The following SYN3 variants were observed in gnomAD, a reference collection of about 807,000 sequenced individuals.
SYN3 encodes synapsin III, also known as synapsin-3.
In SYN3, 35 loss-of-function variants were observed where a neutral mutation model predicts 65.8. The observed-to-expected ratio is 0.53, with a 90% CI of 0.41 to 0.70. SYN3 has a LOEUF of 0.70. Among genes scored for constraint, SYN3 ranks in the 30% least tolerant of loss-of-function variants. The probability of loss-of-function intolerance (pLI) is 0.00; values close to 1 mark genes in which losing one functional copy is unlikely to be tolerated. For synonymous variants in SYN3, 270 were observed against 292.9 expected (o/e 0.92, Z 0.80); for missense variants, 680 against 749.0 (o/e 0.91, Z 1.08).
At chr22:32,519,319 T>TC (rs1405625897) in intron 12 of SYN3, 2 of 152,072 alleles carry the variant, frequency 1.3e-5, no homozygotes, top group Non-Finnish European at 2.9e-5. Flanking sequence ...TCTTTTTTTT[T>TC]TTCTCACGGG....
At chr22:32,714,996 G>A (rs1182128420) in intron 6 of SYN3, among the ~76,000 whole-genome samples, 6 of 152,076 alleles carry the variant, frequency 3.9e-5, no homozygotes, top group South Asian at 4.1e-4. Context: ...TATGTTCTGC[G>A]GAGCGCTCCT....
Position 32,518,075 on chromosome 22 carries a change from G to A in SYN3, c.1578C>T (p.Ser526=), listed in dbSNP as rs1282246732. The A allele has an allele frequency of 9.1e-6, 14 of 1,536,090 alleles. No homozygotes were observed. The highest frequency in any genetic ancestry group is 1.2e-5 in the Non-Finnish European group (14 of 1,144,956). Residue 526 remains serine, a synonymous_variant, in exon 13 of 14, where the codon TCC becomes TCT. Coordinates refer to ENST00000358763, the MANE Select transcript of SYN3 (RefSeq NM_003490.4). The part of the protein sequence containing the change: ...GRSTSQQGEE[S]KKPAPPHPHL... ...GCGGATGGGGTGGTGCTGGCTTCTT[G>A]GACTCTTCACCCTGCTGGGAGGTAC... is the stretch of plus-strand genomic sequence containing the variant.
intron 6 of SYN3, among the ~76,000 whole-genome samples, chr22:32,824,277 C>A (rs140170602): frequency 4.3e-4 from 57 of 133,140 alleles, no homozygotes; most frequent in South Asian, 5.2e-4. Context: ...GACTCCATCT[C>A]AAAAAAAAAA....
chr22:32,590,981 T>C (rs2059119889), intron 7 of SYN3, among the ~76,000 whole-genome samples: 1 of 152,238 alleles, frequency 6.6e-6, no homozygotes, highest in Non-Finnish European at 1.5e-5. Flanking sequence ...ACGGGCCATA[T>C]TTCTGGTGTG....
At chr22:32,834,904 C>A (rs1380853067) in intron 6 of SYN3, among the ~76,000 whole-genome samples, 1 of 152,168 alleles carries the variant, frequency 6.6e-6, no homozygotes, top group Admixed American at 6.5e-5. Context: ...TATCTGTCAC[C>A]CAGGGAACTG....
chr22:32,921,876 G>A lies in SYN3; in HGVS notation c.461+9514C>T, dbSNP rs372901075. On this transcript the variant is annotated intron_variant, in intron 4 of 13. Transcript: ENST00000358763. ...GTATTACAGATAAGTTACTGCCCAC[G>A]GTCACACAGCTGCTGTCACCGTGGC... 1.7e-4 allele frequency among the ~76,000 whole-genome samples: 26 copies of A among 152,170 alleles called. No homozygotes were observed. The East Asian group carries it at 2.7e-3, about 16-fold the overall frequency.
chr22:32,515,885 G>A (rs1047543810), intron 13 of SYN3, among the ~76,000 whole-genome samples: 33 of 151,826 alleles, frequency 2.2e-4, no homozygotes, highest in African/African-American at 6.8e-4. Context: ...TGCAAGCTCC[G>A]CCTCCTGGGT....
At chr22:32,986,484 C>T (rs1359590776) in intron 2 of SYN3, among the ~76,000 whole-genome samples, 1 of 152,144 alleles carries the variant, frequency 6.6e-6, no homozygotes, top group Non-Finnish European at 1.5e-5. Flanking sequence ...GGAGTCCATC[C>T]CCCCGCCTGG....
chr22:32,624,485 G>A (rs1341821842), intron 6 of SYN3, among the ~76,000 whole-genome samples: 1 of 152,194 alleles, frequency 6.6e-6, no homozygotes, highest in Non-Finnish European at 1.5e-5. Flanking sequence ...AAGACTTCCT[G>A]CCACCTTAGC....
chr22:33,034,609 A>G (rs1482268858), intron 1 of SYN3, among the ~76,000 whole-genome samples: 1 of 152,050 alleles, frequency 6.6e-6, no homozygotes, highest in Non-Finnish European at 1.5e-5. Context: ...TTTTTCTCCT[A>G]AATAACTAAA....
intron 6 of SYN3, among the ~76,000 whole-genome samples, chr22:32,830,953 G>A (rs770310478): frequency 6.6e-6 from 1 of 151,642 alleles, no homozygotes; most frequent in South Asian, 2.1e-4. Flanking sequence ...AAAAATGTGT[G>A]TTTTTTTTTC....
intron 6 of SYN3, among the ~76,000 whole-genome samples, chr22:32,670,607 C>T (rs2060347449): frequency 6.6e-6 from 1 of 152,192 alleles, no homozygotes; most frequent in African/African-American, 2.4e-5. Flanking sequence ...TTGTATCTTA[C>T]AGCATTAGGC....
intron 6 of SYN3, among the ~76,000 whole-genome samples, chr22:32,733,055 T>C (rs1238261767): frequency 6.6e-6 from 1 of 152,202 alleles, no homozygotes; most frequent in Admixed American, 6.5e-5. Context: ...CATGCCATGG[T>C]ATCTTTCAAT....
intron 6 of SYN3, among the ~76,000 whole-genome samples, chr22:32,706,920 C>A (rs1412041406): frequency 6.6e-6 from 1 of 152,154 alleles, no homozygotes; most frequent in Non-Finnish European, 1.5e-5. Flanking sequence ...CCCTAGAGGG[C>A]AGGACATTTC....
intron 4 of SYN3, among the ~76,000 whole-genome samples, chr22:32,870,437 T>C (rs1226010965): frequency 6.6e-6 from 1 of 152,240 alleles, no homozygotes; most frequent in Non-Finnish European, 1.5e-5. Flanking sequence ...CACTGAATGA[T>C]ATATCATAAT....
At chr22:33,051,154 C>T (rs536006173) in intron 1 of SYN3, among the ~76,000 whole-genome samples, 3 of 152,280 alleles carry the variant, frequency 2.0e-5, no homozygotes, top group African/African-American at 7.2e-5. Flanking sequence ...GGACCTACAT[C>T]AGCAAGCCTG....
chr22:32,815,471 C>T (rs1454646044), intron 6 of SYN3, among the ~76,000 whole-genome samples: 1 of 152,134 alleles, frequency 6.6e-6, no homozygotes, highest in Non-Finnish European at 1.5e-5. Flanking sequence ...TATGCCAAGA[C>T]CTTTTAAAGC....
At chr22:32,937,784 T>C (rs1478017412) in intron 3 of SYN3, among the ~76,000 whole-genome samples, 1 of 150,844 alleles carries the variant, frequency 6.6e-6, no homozygotes, top group Non-Finnish European at 1.5e-5. Context: ...GCTAGTGAAC[T>C]TGAAGAGAAA....
intron 6 of SYN3, among the ~76,000 whole-genome samples, chr22:32,687,402 G>C (rs1452873659): frequency 1.3e-5 from 2 of 151,456 alleles, no homozygotes; most frequent in Non-Finnish European, 2.9e-5. Flanking sequence ...GACCTCAAGT[G>C]ATCTGCCCAC....
Sources: gnomAD v4.1 joint callset for allele counts (sites outside exome capture counted in the v4.1 genomes callset) on GRCh38, gnomAD v4.1.1 for gene constraint, MANE v1.5 for transcripts, NCBI Gene and HGNC (gene_info 2026-07-23, HGNC 2026-07-21) for gene names.